FA2H: variants seen among roughly 807,000 people sequenced by gnomAD.
FA2H encodes the protein fatty acid 2-hydroxylase, also known as fatty acid alpha-hydroxylase.
FA2H carries 22 observed loss-of-function variants against 44.9 expected under a neutral mutation model. The observed-to-expected ratio is 0.49, with a 90% CI of 0.35 to 0.70. The LOEUF is 0.70. FA2H is among the 30% of genes least tolerant of loss of function. FA2H has a pLI of 0.01. For synonymous variants in FA2H, 243 were observed against 213.2 expected (o/e 1.14, Z -1.22); for missense variants, 501 against 504.9 (o/e 0.99, Z 0.07).
intron 1 of FA2H, among the ~76,000 whole-genome samples, chr16:74,758,752 C>T (rs929895647): frequency 1.3e-5 from 2 of 152,126 alleles, no homozygotes; most frequent in African/African-American, 2.4e-5. Context: ...AGAGCAAGAA[C>T]CCCATCTCTA....
rs913682483 is a variant in FA2H at position 74,727,531 on chromosome 16, G to T, written c.364-145C>A. On this transcript the variant is annotated intron_variant, in intron 2 of 6. Transcript: ENST00000219368. ...GGGCCACCCACCCTCCTGCTTCAGT[G>T]ATCAAGAACTGACCAAGCTGCTCAT... 1.3e-5 allele frequency: 11 copies of T among 878,990 alleles called. No homozygotes were observed. The African/African-American group carries it at 1.6e-4, about 13-fold the overall frequency. 54.4% of individuals were successfully genotyped at this position (878,990 alleles called of 1,614,324 possible). A position where few individuals can be genotyped will look rare whatever the true frequency, so the allele number is the denominator to read the frequency against.
At chr16:74,729,697 A>G (rs991329263) in intron 2 of FA2H, among the ~76,000 whole-genome samples, 1 of 152,164 alleles carries the variant, frequency 6.6e-6, no homozygotes, top group Non-Finnish European at 1.5e-5. Context: ...ATGAACCTGG[A>G]GTCAGGGGAA....
intron 1 of FA2H, among the ~76,000 whole-genome samples, chr16:74,762,655 G>A (rs373614795): frequency 2.0e-5 from 3 of 151,998 alleles, no homozygotes; most frequent in South Asian, 2.1e-4. Context: ...TCAGCCTCCC[G>A]ATTAACTGGG....
At position 74,720,180 on chromosome 16, in the gene FA2H, C is replaced by CTTTTTTTTT. The variant is rs56341013; in HGVS notation, c.614-1029_614-1021dup. On this transcript the variant is annotated intron_variant, in intron 4 of 6. Coordinates refer to ENST00000219368, the MANE Select transcript of FA2H (RefSeq NM_024306.5). Reference sequence around the variant, plus strand: ...TTTGCTCCATATATTCATCCTCATCCTTTTTTTTTTTTTTTTTTTTTTTTT... The same window carrying CTTTTTTTTT: ...TTTGCTCCATATATTCATCCTCATCCTTTTTTTTTTTTTTTTTTTTTTTTTTTTTTTTTT... Among the ~76,000 whole-genome samples the CTTTTTTTTT allele has an allele frequency of 8.1e-3, 382 of 47,254 alleles. 57 individuals are homozygous for CTTTTTTTTT. Among genetic ancestry groups the CTTTTTTTTT allele is most frequent in the Non-Finnish European group, 0.011 (314 of 27,328 alleles). The allele number at this position is 47,254 out of a possible 152,430, so 31.0% of individuals were successfully genotyped here. A position where few individuals can be genotyped will look rare whatever the true frequency, so the allele number is the denominator to read the frequency against.
At chr16:74,752,537 T>A (rs535762090) in intron 1 of FA2H, among the ~76,000 whole-genome samples, 13 of 152,256 alleles carry the variant, frequency 8.5e-5, no homozygotes, top group Non-Finnish European at 1.8e-4. Context: ...AGGGTATTGG[T>A]CCATACAGAA....
chr16:74,768,019 T>A (rs1040060948), intron 1 of FA2H, among the ~76,000 whole-genome samples: 2 of 152,110 alleles, frequency 1.3e-5, no homozygotes, highest in African/African-American at 4.8e-5. Flanking sequence ...TGTGATGTGG[T>A]GGGTTTCAGA....
chr16:74,761,233 C>T lies in FA2H; in HGVS notation c.270+13253G>A, dbSNP rs545079255. On this transcript the variant is annotated intron_variant, in intron 1 of 6. Transcript: ENST00000219368. ...TTGGGAAGCCAAGGCGAGCAGATCA[C>T]CCTGAGGTCAGGAGTTCGAGACCAG... 1.1e-4 allele frequency among the ~76,000 whole-genome samples: 17 copies of T among 152,208 alleles called. No individual in the cohort carries two copies. The East Asian group carries it at 3.3e-3, about 29-fold the overall frequency.
At chr16:74,760,169 A>C (rs915625633) in intron 1 of FA2H, among the ~76,000 whole-genome samples, 5 of 152,132 alleles carry the variant, frequency 3.3e-5, no homozygotes, top group African/African-American at 1.2e-4. Flanking sequence ...CTGGACACCC[A>C]CTACGCTGCC....
Position 74,774,695 on chromosome 16 carries a change from C to T in FA2H, c.61G>A (p.Ala21Thr). ...CGGCGGACCCAGCACGCGCCGGCCGCCAGGCGCCGCTGGACCTCGGAGGGC... is the reference window on the plus strand; with the variant it reads ...CGGCGGACCCAGCACGCGCCGGCCGTCAGGCGCCGCTGGACCTCGGAGGGC... ...FSPSEVQRRL[A>T]AGACWVRRGA... Residue 21 changes from alanine (A) to threonine (T), a missense_variant, in exon 1 of 7, where the codon GCG becomes ACG. Ala to Thr is a moderately conservative substitution (Grantham distance 58, BLOSUM62 0). Coordinates refer to ENST00000219368, the MANE Select transcript of FA2H (RefSeq NM_024306.5). 14 of 1,379,666 alleles carry T rather than the reference C, an allele frequency of 1.0e-5. No individual in the cohort carries two copies. The highest frequency in any genetic ancestry group is 3.5e-5 in the South Asian group (2 of 57,488). 85.5% of individuals were successfully genotyped at this position (1,379,666 alleles called of 1,614,324 possible). A position where few individuals can be genotyped will look rare whatever the true frequency, so the allele number is the denominator to read the frequency against.
At chr16:74,716,982 G>A in intron 5 of FA2H, 1 of 224,256 alleles carries the variant, frequency 4.5e-6, no homozygotes, top group Non-Finnish European at 8.9e-6. Context: ...GGCTAGAGGG[G>A]CATTCTGGAG....
chr16:74,735,912 G>A (rs1297002023), intron 2 of FA2H, among the ~76,000 whole-genome samples: 1 of 152,232 alleles, frequency 6.6e-6, no homozygotes, highest in Non-Finnish European at 1.5e-5. Flanking sequence ...AAGCCTGGGA[G>A]GTTGAGGCTG....
intron 1 of FA2H, among the ~76,000 whole-genome samples, chr16:74,770,403 G>T (rs552257385): frequency 6.6e-6 from 1 of 152,140 alleles, no homozygotes; most frequent in Non-Finnish European, 1.5e-5. Context: ...TTTGAGACAG[G>T]GTCTTGCTCT....
intron 2 of FA2H, among the ~76,000 whole-genome samples, chr16:74,734,132 G>T (rs1304429348): frequency 6.6e-6 from 1 of 152,244 alleles, no homozygotes; most frequent in Non-Finnish European, 1.5e-5. Context: ...GGGGACAGAG[G>T]GAAGGCATGG....
intron 2 of FA2H, among the ~76,000 whole-genome samples, chr16:74,729,991 GCCATCAGTGATTCCAGAAACCTCCTTC>G (rs1962041914): frequency 6.6e-6 from 1 of 152,152 alleles, no homozygotes; most frequent in South Asian, 2.1e-4. Context: ...GGACGAAACA[GCCATCAGTGATTCCAGAAACCTCCTTC>G]CCCTGGCCCT....
chr16:74,741,829 T>TGCGTGC (rs1555539925), intron 1 of FA2H, among the ~76,000 whole-genome samples: 1 of 90,276 alleles, frequency 1.1e-5, no homozygotes, highest in African/African-American at 3.8e-5. Context: ...TGTGTGTGTG[T>TGCGTGC]GTGTGTGTAT....
chr16:74,736,698 G>A lies in FA2H; in HGVS notation c.363+3325C>T, dbSNP rs551308724. ...GTTATGCCAGCATCTGGCTTAGCCT[G>A]AGGAAGGATGGGGAAGAGGATGTGG... On this transcript the variant is annotated intron_variant, in intron 2 of 6. Coordinates refer to ENST00000219368, the MANE Select transcript of FA2H (RefSeq NM_024306.5). 3.3e-5 allele frequency among the ~76,000 whole-genome samples: 5 copies of A among 152,320 alleles called. No homozygotes were observed. In the South Asian group the frequency reaches 1.0e-3, roughly 32 times the overall value.
rs1464395981 is a variant in FA2H, at chr16:74,714,026, G to A, written c.*164C>T. 90 of 604,316 alleles carry A rather than the reference G, an allele frequency of 1.5e-4. 4 individuals carry two copies. In the South Asian group the frequency reaches 1.6e-3, roughly 10 times the overall value. 37.4% of individuals were successfully genotyped at this position (604,316 alleles called of 1,614,324 possible). A position where few individuals can be genotyped will look rare whatever the true frequency, so the allele number is the denominator to read the frequency against. ...CCCTCCTACCAGGGGTCAGGAGGGCGGTCCTGCCTCAGGGCCCCCTCAGCA... is the reference window on the plus strand; with the variant it reads ...CCCTCCTACCAGGGGTCAGGAGGGCAGTCCTGCCTCAGGGCCCCCTCAGCA... On this transcript the variant is annotated 3_prime_UTR_variant, in exon 7 of 7. Transcript: ENST00000219368.
chr16:74,740,452 A>G lies in FA2H; in HGVS notation c.271-337T>C, dbSNP rs563544028. Among the ~76,000 whole-genome samples, 6 of 151,798 alleles carry G rather than the reference A, an allele frequency of 4.0e-5. No individual in the cohort carries two copies. In the South Asian group the frequency reaches 1.0e-3, roughly 26 times the overall value. The stretch of plus-strand genomic sequence containing the variant: ...GCCAACATGGTGAAAACCTGTCTCT[A>G]CTAAAAATACAAAAAAAGTTTACCA... On this transcript the variant is annotated intron_variant, in intron 1 of 6. Transcript: ENST00000219368.
chr16:74,739,113 C>A (rs1195574153), intron 2 of FA2H, among the ~76,000 whole-genome samples: 1 of 152,162 alleles, frequency 6.6e-6, no homozygotes, highest in Non-Finnish European at 1.5e-5. Flanking sequence ...GTTCCTTGGG[C>A]GAGCATCCCA....
Sources: gnomAD v4.1 joint callset for allele counts (sites outside exome capture counted in the v4.1 genomes callset) on GRCh38, gnomAD v4.1.1 for gene constraint, MANE v1.5 for transcripts, NCBI Gene and HGNC (gene_info 2026-07-23, HGNC 2026-07-21) for gene names.